The following SIPA1L2 variants were observed in gnomAD, a reference collection of about 807,000 sequenced individuals.
SIPA1L2 encodes the protein signal induced proliferation associated 1 like 2, also known as signal-induced proliferation-associated 1-like protein 2.
A neutral mutation model predicts 163.9 loss-of-function variants in SIPA1L2; 56 were observed. The observed-to-expected ratio is 0.34, with a 90% CI of 0.28 to 0.43. The LOEUF (loss-of-function observed/expected upper bound fraction) is 0.43. Among genes scored for constraint, SIPA1L2 ranks in the 20% least tolerant of loss-of-function variants. SIPA1L2 has a pLI of 1.00. For synonymous variants in SIPA1L2, 877 were observed against 865.7 expected (o/e 1.01, Z -0.23); for missense variants, 1,974 against 2,193.5 (o/e 0.90, Z 2.00).
intron 1 of SIPA1L2, among the ~76,000 whole-genome samples, chr1:232,605,285 A>G (rs1661841931): frequency 6.6e-6 from 1 of 152,194 alleles, no homozygotes; most frequent in African/African-American, 2.4e-5. Context: ...AAGTGCCAGG[A>G]GTATTACATG....
chr1:232,496,547 A>G (rs1666200602), intron 3 of SIPA1L2, among the ~76,000 whole-genome samples: 1 of 148,038 alleles, frequency 6.8e-6, no homozygotes, highest in Non-Finnish European at 1.5e-5. Context: ...AGAAGAGCTG[A>G]TCCAGAAGCA....
intron 2 of SIPA1L2, among the ~76,000 whole-genome samples, chr1:232,537,700 C>A (rs1319805397): frequency 6.6e-6 from 1 of 152,128 alleles, no homozygotes; most frequent in Non-Finnish European, 1.5e-5. Flanking sequence ...TGTAGACATG[C>A]AAGTTAGCTA....
In SIPA1L2 at chr1:232,421,527, T is replaced by G. The variant is rs12026666; in HGVS notation, c.4630+4062A>C. On this transcript the variant is annotated intron_variant, in intron 18 of 22. Coordinates refer to ENST00000674635, the MANE Select transcript of SIPA1L2 (RefSeq NM_020808.5). ...TATTACAGGGAAGACTGAGGACATT[T>G]GAAAAAAGAGAAAGAAGTATTACAC... Among the ~76,000 whole-genome samples the G allele has an allele frequency of 0.037, 5,589 of 152,144 alleles. 589 individuals carry two copies. The East Asian group carries it at 0.41, about 11-fold the overall frequency.
intron 2 of SIPA1L2, among the ~76,000 whole-genome samples, chr1:232,526,570 G>A (rs74144358): frequency 0.017 from 2,601 of 152,244 alleles, 82 homozygotes; most frequent in African/African-American, 0.06. Context: ...AGTAATGCTC[G>A]CCTGCTGCTC....
intron 1 of SIPA1L2, among the ~76,000 whole-genome samples, chr1:232,627,955 A>C (rs539980280): frequency 6.6e-6 from 1 of 152,274 alleles, no homozygotes; most frequent in South Asian, 2.1e-4. Flanking sequence ...TTATGAATAC[A>C]CTCTAATTTA....
At chr1:232,400,509 C>G (rs1198853116) in intron 22 of SIPA1L2, among the ~76,000 whole-genome samples, 1 of 151,754 alleles carries the variant, frequency 6.6e-6, no homozygotes, top group Non-Finnish European at 1.5e-5. Context: ...GGCAGGCAGA[C>G]AGTGCATCCT....
At chr1:232,615,974 C>T (rs918845318) in intron 1 of SIPA1L2, among the ~76,000 whole-genome samples, 5 of 152,304 alleles carry the variant, frequency 3.3e-5, no homozygotes, top group Non-Finnish European at 7.3e-5. Context: ...CGATAGGCAG[C>T]TTTTCTCGAT....
chr1:232,604,731 T>C (rs866937282), intron 1 of SIPA1L2, among the ~76,000 whole-genome samples: 3 of 152,096 alleles, frequency 2.0e-5, no homozygotes, highest in African/African-American at 7.2e-5. Context: ...TTTCTAATGG[T>C]TTAGCACCAG....
At chr1:232,519,179 G>A (rs990870524) in intron 2 of SIPA1L2, among the ~76,000 whole-genome samples, 1 of 152,146 alleles carries the variant, frequency 6.6e-6, no homozygotes, top group Non-Finnish European at 1.5e-5. Context: ...GCCAAATGAG[G>A]TGATTACAGA....
At chr1:232,513,728 AG>A in intron 3 of SIPA1L2, 128 bp downstream of exon 3, 4 of 941,028 alleles carry the variant, frequency 4.3e-6, no homozygotes, top group Non-Finnish European at 6.2e-6. Context: ...ATGGAGAACA[AG>A]GTCAGGCCCA....
At chr1:232,463,518 C>T (rs1224209867) in intron 9 of SIPA1L2, among the ~76,000 whole-genome samples, 2 of 152,184 alleles carry the variant, frequency 1.3e-5, no homozygotes, top group African/African-American at 2.4e-5. Flanking sequence ...CTTGGTCACA[C>T]TGACAATACA....
chr1:232,540,922 GGAA>G (rs1483620416), intron 2 of SIPA1L2, among the ~76,000 whole-genome samples: 1 of 152,146 alleles, frequency 6.6e-6, no homozygotes, highest in Admixed American at 6.5e-5. Context: ...ATCATAATAA[GGAA>G]GAAGATCATG....
In SIPA1L2 at chr1:232,461,089, C is replaced by A. The variant is rs749650290; in HGVS notation, c.2893G>T (p.Val965Leu). 1 of 1,614,290 alleles carries A rather than the reference C, an allele frequency of 6.2e-7. No individual in the cohort carries two copies. The highest frequency in any genetic ancestry group is 1.1e-5 in the South Asian group (1 of 91,092). Reference sequence around the variant, plus strand: ...TCTGCGACAATTCCTTCAAAATTCACATGGAAGCCAAGCTGGCCCAGCCCG... The same window carrying A: ...TCTGCGACAATTCCTTCAAAATTCAAATGGAAGCCAAGCTGGCCCAGCCCG... The part of the protein sequence containing the change: ...RNGLGQLGFH[V>L]NFEGIVADVE... Residue 965 changes from valine (V) to leucine (L), a missense_variant, in exon 10 of 23, where the codon GTG (valine) becomes TTG (leucine). Physicochemically the swap from Val to Leu is conservative, Grantham distance 32. Coordinates refer to ENST00000674635, the MANE Select transcript of SIPA1L2 (RefSeq NM_020808.5).
At chr1:232,558,341 C>T (rs923336861) in intron 2 of SIPA1L2, among the ~76,000 whole-genome samples, 2 of 152,196 alleles carry the variant, frequency 1.3e-5, no homozygotes, top group Non-Finnish European at 2.9e-5. Context: ...CTCTCCTGGG[C>T]AGTCCTTGTC....
chr1:232,604,548 G>A (rs553069114), intron 1 of SIPA1L2, among the ~76,000 whole-genome samples: 2 of 152,140 alleles, frequency 1.3e-5, no homozygotes, highest in Non-Finnish European at 2.9e-5. Context: ...GAGAATCAAG[G>A]CTCAACTTGC....
chr1:232,630,316 C>T (rs1489767476), upstream of SIPA1L2, among the ~76,000 whole-genome samples: 1 of 151,912 alleles, frequency 6.6e-6, no homozygotes, highest in Non-Finnish European at 1.5e-5. Context: ...TTCCCAGGCC[C>T]CGCGGCGCGC....
chr1:232,605,466 G>A (rs139533442), intron 1 of SIPA1L2, among the ~76,000 whole-genome samples: 19 of 152,294 alleles, frequency 1.2e-4, no homozygotes, highest in African/African-American at 4.6e-4. Context: ...AGGCCGAAAC[G>A]GATGGATCAC....
At chr1:232,504,546 A>C (rs1666635364) in intron 3 of SIPA1L2, among the ~76,000 whole-genome samples, 1 of 144,108 alleles carries the variant, frequency 6.9e-6, no homozygotes, top group African/African-American at 2.6e-5. Flanking sequence ...TCAGAAAGAC[A>C]AAAAAAAAAA....
At position 232,425,725 on chromosome 1, in the gene SIPA1L2, C is replaced by CCCCCT. The variant is rs1256633004; in HGVS notation, c.4489_4493dup (p.Ser1499GlyfsTer46). ...AACTCCGGGAACTGCCAAAGGAGGA[C>CCCCCT]CCCCTCCTGTTGCTGCAGATGCTCT... On this transcript the variant is annotated frameshift_variant, in exon 18 of 23. Transcript: ENST00000674635. LOFTEE classifies it high-confidence loss of function. The CCCCCT allele has an allele frequency of 6.2e-7, 1 of 1,613,934 alleles. No homozygotes were observed. The highest frequency in any genetic ancestry group is 8.5e-7 in the Non-Finnish European group (1 of 1,179,998).
Sources: allele counts gnomAD v4.1 joint callset (sites outside exome capture counted in the v4.1 genomes callset), GRCh38; gene constraint gnomAD v4.1.1; transcripts MANE v1.5; gene names NCBI Gene and HGNC (gene_info 2026-07-23, HGNC 2026-07-21).